RNF216: variants seen among roughly 807,000 people sequenced by gnomAD.
RNF216 encodes E3 ubiquitin-protein ligase RNF216.
Under a neutral mutation model 110.8 loss-of-function variants are expected in RNF216, and 72 were observed. The observed-to-expected ratio is 0.65, with a 90% CI of 0.54 to 0.79. The LOEUF is 0.79. Among genes scored for constraint, RNF216 ranks in the 30% least tolerant of loss-of-function variants. RNF216 has a pLI of 0.00. For synonymous variants in RNF216, 495 were observed against 407.5 expected, an observed-to-expected ratio of 1.21 and a Z score of -2.59; for missense variants, 1,342 against 1,141.2, an observed-to-expected ratio of 1.18 and a Z score of -2.54.
intron 13 of RNF216, among the ~76,000 whole-genome samples, chr7:5,655,727 A>G (rs1294741721): frequency 6.6e-6 from 1 of 152,196 alleles, no homozygotes; most frequent in African/African-American, 2.4e-5. Context: ...CTCTCTGTGT[A>G]GTGTCTTTAA....
At chr7:5,687,394 C>CAAAAAAAAAAAAAAAAAAAA (rs372177142) in intron 13 of RNF216, among the ~76,000 whole-genome samples, 7 of 49,808 alleles carry the variant, frequency 1.4e-4, no homozygotes, top group Admixed American at 2.2e-4. Context: ...AACTCCACCT[C>CAAAAAAAAAAAAAAAAAAAA]AAAAAAAAAA....
chr7:5,624,148 G>C lies in RNF216; in HGVS notation c.2383-23C>G, dbSNP rs754115852. The C allele has an allele frequency of 2.5e-6, 4 of 1,604,240 alleles. No homozygotes were observed. The highest frequency in any genetic ancestry group is 4.5e-5 in the East Asian group (2 of 44,842). On this transcript the variant is annotated intron_variant, in intron 15 of 16. Transcript: ENST00000389902. The surrounding 1 kb of genome is among the most constrained non-coding windows in gnomAD (Gnocchi z 4.4). The stretch of plus-strand genomic sequence containing the variant: ...TTCCTAAAACGCAAGCAATGAGAAG[G>C]ATGAACCTGTAGCTTCATGCAGTGC...
At chr7:5,723,576 G>A (rs187291077) in intron 8 of RNF216, among the ~76,000 whole-genome samples, 1,646 of 152,116 alleles carry the variant, frequency 0.011, 21 homozygotes, top group African/African-American at 0.037. Context: ...GAACCCAGGA[G>A]GCGGAGTTTG....
intron 1 of RNF216, among the ~76,000 whole-genome samples, chr7:5,772,546 A>G (rs1402466076): frequency 2.6e-5 from 4 of 151,976 alleles, no homozygotes; most frequent in South Asian, 2.1e-4. Flanking sequence ...GAAAATCTCA[A>G]TTTTCTTTGC....
intron 13 of RNF216, among the ~76,000 whole-genome samples, chr7:5,654,248 CG>C (rs1050258167): frequency 1.3e-4 from 20 of 152,078 alleles, no homozygotes; most frequent in African/African-American, 4.3e-4. Context: ...GATGAGTCGC[CG>C]TGCCTGGCCC....
Position 5,641,394 on chromosome 7 carries a change from A to G in RNF216, c.2160-18T>C, listed in dbSNP as rs1427511747. 1 of 1,601,288 alleles carries G rather than the reference A, an allele frequency of 6.2e-7. No individual in the cohort carries two copies. The highest frequency in any genetic ancestry group is 1.7e-5 in the Admixed American group (1 of 59,586). On this transcript the variant is annotated intron_variant, in intron 14 of 16. Transcript: ENST00000389902. Reference sequence around the variant, plus strand: ...TTTCTTCACTGAAATAAGAAAACATAATTTGGAGCTGGGAGGGAAGATGAG... The same window carrying G: ...TTTCTTCACTGAAATAAGAAAACATGATTTGGAGCTGGGAGGGAAGATGAG...
intron 15 of RNF216, among the ~76,000 whole-genome samples, chr7:5,639,876 C>A (rs1192663605): frequency 1.3e-5 from 2 of 151,466 alleles, no homozygotes; most frequent in Non-Finnish European, 2.9e-5. Flanking sequence ...TCTCCTGCCT[C>A]AACCTCCTGA....
chr7:5,630,896 G>A lies in RNF216; in HGVS notation c.2383-6771C>T, dbSNP rs552635498. ...GCGAGGTTGTGACCCAGGCAATCTCGTCTCAAAGCCTGAGCTGTTAACCAC... is the reference window on the plus strand; with the variant it reads ...GCGAGGTTGTGACCCAGGCAATCTCATCTCAAAGCCTGAGCTGTTAACCAC... On this transcript the variant is annotated intron_variant, in intron 15 of 16. Coordinates refer to ENST00000389902, the MANE Select transcript of RNF216 (RefSeq NM_207111.4). Among the ~76,000 whole-genome samples, 6 of 152,268 alleles carry A rather than the reference G, an allele frequency of 3.9e-5. No homozygotes were observed. The South Asian group carries it at 1.2e-3, about 32-fold the overall frequency.
intron 13 of RNF216, among the ~76,000 whole-genome samples, chr7:5,660,101 C>T (rs983648059): frequency 3.3e-5 from 5 of 151,214 alleles, no homozygotes; most frequent in South Asian, 2.1e-4. Context: ...ACTATGAACA[C>T]GTGCCACCAC....
At position 5,715,153 on chromosome 7, in the gene RNF216, TCC is replaced by T; in HGVS notation, c.1731_1732del (p.Glu578IlefsTer51). ...CTGCGTCAGCTCCTCGAATGGAAAT[TCC>T]CCATAGCAGCAGCGACACTCAATCA... On this transcript the variant is annotated frameshift_variant, in exon 11 of 17. Transcript: ENST00000389902. LOFTEE classifies it high-confidence loss of function. 6.2e-7 allele frequency: 1 copy of T among 1,613,732 alleles called. No individual in the cohort carries two copies. The highest frequency in any genetic ancestry group is 8.5e-7 in the Non-Finnish European group (1 of 1,179,994).
chr7:5,740,831 C>T, intron 4 of RNF216, 142 bp downstream of exon 4: 1 of 746,102 alleles, frequency 1.3e-6, no homozygotes, highest in Non-Finnish European at 2.0e-6. Context: ...AGTGTCTCTT[C>T]TATTCTGTAC....
intron 2 of RNF216, among the ~76,000 whole-genome samples, chr7:5,753,736 C>T (rs958483303): frequency 2.0e-5 from 3 of 152,102 alleles, no homozygotes; most frequent in African/African-American, 2.4e-5. Context: ...GTGGCTCACG[C>T]CTGTAATCCC....
At chr7:5,722,986 G>A (rs1253331759) in intron 8 of RNF216, among the ~76,000 whole-genome samples, 3 of 152,042 alleles carry the variant, frequency 2.0e-5, no homozygotes, top group Non-Finnish European at 2.9e-5. Context: ...TCAGTTTTTG[G>A]TATTATGAGA....
In RNF216 at chr7:5,680,960, G is replaced by A. The variant is rs1270318363; in HGVS notation, c.2062-28450C>T. On this transcript the variant is annotated intron_variant, in intron 13 of 16. Transcript: ENST00000389902. This position sits in a 1 kb window ranked among gnomAD's most constrained non-coding sequence, Gnocchi z 4.3. The stretch of plus-strand genomic sequence containing the variant: ...CCCAGCCTAGATCCCCTCTGGCTGG[G>A]CCATGGCGGAGAGCCTGGACTTCAG... 3.3e-5 allele frequency among the ~76,000 whole-genome samples: 5 copies of A among 152,052 alleles called. No individual in the cohort carries two copies. The highest frequency in any genetic ancestry group is 7.4e-5 in the Non-Finnish European group (5 of 68,018).
intron 3 of RNF216, among the ~76,000 whole-genome samples, chr7:5,744,370 G>A (rs1314688879): frequency 2.6e-5 from 4 of 152,086 alleles, no homozygotes; most frequent in Non-Finnish European, 4.4e-5. Context: ...AAGAGAACAC[G>A]TCAAGAACAA....
chr7:5,763,068 A>C (rs180714044), intron 1 of RNF216, among the ~76,000 whole-genome samples: 1 of 152,186 alleles, frequency 6.6e-6, no homozygotes, highest in African/African-American at 2.4e-5. Flanking sequence ...TGGGGATAGG[A>C]AACAGAGAAA....
chr7:5,663,683 G>A (rs751732384), intron 13 of RNF216, among the ~76,000 whole-genome samples: 76 of 149,932 alleles, frequency 5.1e-4, no homozygotes, highest in Non-Finnish European at 9.0e-4. Context: ...GGCAGGTCAC[G>A]AGGTCAGGAG....
intron 15 of RNF216, among the ~76,000 whole-genome samples, chr7:5,631,957 G>C (rs1383689436): frequency 6.6e-6 from 1 of 152,238 alleles, no homozygotes; most frequent in Non-Finnish European, 1.5e-5. Context: ...GGCTGGCAAG[G>C]ATTTCATAAG....
intron 13 of RNF216, among the ~76,000 whole-genome samples, chr7:5,653,414 C>G (rs925127652): frequency 5.9e-5 from 9 of 151,516 alleles, no homozygotes; most frequent in Non-Finnish European, 8.8e-5. Context: ...CTGGCTAACA[C>G]GGTGAAACCC....
Sources: allele counts gnomAD v4.1 joint callset (sites outside exome capture counted in the v4.1 genomes callset), GRCh38; gene constraint gnomAD v4.1.1; non-coding constraint Gnocchi (gnomAD v3.1); transcripts MANE v1.5; gene names NCBI Gene and HGNC (gene_info 2026-07-23, HGNC 2026-07-21).